The following ACSL4 variants were observed in gnomAD, a reference collection of about 807,000 sequenced individuals.
The protein encoded by ACSL4 is acyl-CoA synthetase long chain family member 4.
In ACSL4, 9 loss-of-function variants were observed where a neutral mutation model predicts 49.1. That is an observed-to-expected ratio of 0.18 (90% CI 0.11 to 0.32). The LOEUF (loss-of-function observed/expected upper bound fraction) is 0.32. Ranked by LOEUF, ACSL4 falls within the 10% of genes least tolerant of loss-of-function variation. The probability of loss-of-function intolerance (pLI) is 1.00; values close to 1 mark genes in which losing one functional copy is unlikely to be tolerated. For synonymous variants in ACSL4, 191 were observed against 170.3 expected (o/e 1.12, Z -0.95); for missense variants, 333 against 493.7 (o/e 0.67, Z 3.08).
At chrX:109,724,541 G>C (rs997175942) in intron 1 of ACSL4, among the ~76,000 whole-genome samples, 1 of 111,421 alleles carries the variant, frequency 9.0e-6, no homozygotes, top group African/African-American at 3.3e-5. Context: ...CCACCTACTG[G>C]GCTCAAGCAA....
chrX:109,687,054 G>A (rs1162371989), intron 2 of ACSL4, among the ~76,000 whole-genome samples: 1 of 111,880 alleles, frequency 8.9e-6, no homozygotes, highest in Non-Finnish European at 1.9e-5. Flanking sequence ...TTGAACCACT[G>A]ATATTGTCTG....
At chrX:109,693,672 T>G (rs1157949448) in intron 2 of ACSL4, among the ~76,000 whole-genome samples, 1 of 111,712 alleles carries the variant, frequency 9.0e-6, no homozygotes, top group Non-Finnish European at 1.9e-5. Context: ...GTAAGATGAG[T>G]AAGACAAGGT....
chrX:109,720,102 T>C (rs944235172), intron 1 of ACSL4, among the ~76,000 whole-genome samples: 3 of 111,535 alleles, frequency 2.7e-5, no homozygotes, highest in African/African-American at 9.8e-5. Flanking sequence ...GGTAGATCAC[T>C]TGAGGTCAGG....
chrX:109,713,285 C>T (rs1334646136), intron 1 of ACSL4, among the ~76,000 whole-genome samples: 1 of 111,860 alleles, frequency 8.9e-6, no homozygotes, highest in East Asian at 2.8e-4. Flanking sequence ...TCTATCTCTA[C>T]CGTACTGACA....
chrX:109,691,353 T>C (rs1417723343), intron 2 of ACSL4, among the ~76,000 whole-genome samples: 1 of 112,276 alleles, frequency 8.9e-6, no homozygotes, highest in African/African-American at 3.2e-5. Context: ...CTAGTAAACA[T>C]TAAATCAGAA....
intron 1 of ACSL4, among the ~76,000 whole-genome samples, chrX:109,712,254 A>T (rs1926801207): frequency 9.0e-6 from 1 of 111,582 alleles, no homozygotes; most frequent in African/African-American, 3.3e-5. Context: ...ACTCGCCATC[A>T]TGCCTGGTTC....
chrX:109,723,044 T>C (rs1471304438), intron 1 of ACSL4, among the ~76,000 whole-genome samples: 1 of 111,667 alleles, frequency 9.0e-6, no homozygotes. Flanking sequence ...GTGTCAAAAA[T>C]TTAGAAAATA....
chrX:109,650,562 A>T (rs1286942011), intron 15 of ACSL4, among the ~76,000 whole-genome samples: 2 of 108,330 alleles, frequency 1.8e-5, no homozygotes, highest in Admixed American at 1.0e-4. Context: ...TAGCATTGGG[A>T]GATATACCTA....
At chrX:109,677,891 T>A in intron 8 of ACSL4, 97 bp downstream of exon 8, 1 of 1,124,982 alleles carries the variant, frequency 8.9e-7, no homozygotes, top group Non-Finnish European at 1.2e-6. Flanking sequence ...AGGAGAAAGC[T>A]TTAGCTGAAT....
At chrX:109,726,278 C>T (rs1260423628) in intron 1 of ACSL4, among the ~76,000 whole-genome samples, 2 of 111,393 alleles carry the variant, frequency 1.8e-5, no homozygotes, top group Non-Finnish European at 3.8e-5. Flanking sequence ...AAAAAATTAG[C>T]CAGGCATGGT....
intron 6 of ACSL4, 140 bp downstream of exon 6, chrX:109,680,858 G>C (rs1226761033): frequency 1.7e-6 from 1 of 605,208 alleles, no homozygotes; most frequent in East Asian, 3.4e-5. Flanking sequence ...ATATGGTCTT[G>C]ATGGTTTTTA....
rs1196226525 is a variant in ACSL4, at chrX:109,646,784, G to A, written c.1856-2598C>T. 1.8e-4 allele frequency among the ~76,000 whole-genome samples: 20 copies of A among 110,152 alleles called. 1 individual carries two copies. The highest frequency in any genetic ancestry group is 1.6e-3 in the South Asian group (4 of 2,548). ...GCTGTATTCAGGAAACCCATCTCAC[G>A]TGCAGAGACACACATAGGCTCAAAA... On this transcript the variant is annotated intron_variant, in intron 15 of 15. Coordinates refer to ENST00000672401, the MANE Select transcript of ACSL4 (RefSeq NM_001318510.2).
At chrX:109,652,586 G>A (rs967881976) in intron 15 of ACSL4, among the ~76,000 whole-genome samples, 11 of 111,211 alleles carry the variant, frequency 9.9e-5, no homozygotes, top group Non-Finnish European at 2.1e-4. Context: ...CCTTTTGGTT[G>A]AAATACTATA....
chrX:109,675,562 G>A (rs1337220689), intron 8 of ACSL4, among the ~76,000 whole-genome samples: 2 of 111,785 alleles, frequency 1.8e-5, no homozygotes, highest in Non-Finnish European at 3.8e-5. Context: ...CTAAGAGACA[G>A]CAAGAATTAA....
intron 15 of ACSL4, among the ~76,000 whole-genome samples, chrX:109,658,013 C>G (rs1425351741): frequency 2.7e-5 from 3 of 111,311 alleles, no homozygotes; most frequent in Non-Finnish European, 3.8e-5. Context: ...GCATAAATGT[C>G]TTCTTTTGAG....
At chrX:109,681,792 A>C (rs1196387913) in intron 4 of ACSL4, among the ~76,000 whole-genome samples, 1 of 112,134 alleles carries the variant, frequency 8.9e-6, no homozygotes, top group African/African-American at 3.2e-5. Context: ...GAGGATCTTA[A>C]GTCATAAGAT....
intron 11 of ACSL4, among the ~76,000 whole-genome samples, chrX:109,666,440 A>C (rs184704105): frequency 8.9e-6 from 1 of 111,813 alleles, no homozygotes; most frequent in African/African-American, 3.2e-5. Context: ...TATGTGGGGA[A>C]TAATGGAAAA....
chrX:109,704,707 A>G (rs983451918), intron 1 of ACSL4, among the ~76,000 whole-genome samples: 1 of 111,780 alleles, frequency 8.9e-6, no homozygotes, highest in Non-Finnish European at 1.9e-5. Context: ...AAGGAAACTA[A>G]AAAGAGTCAA....
intron 15 of ACSL4, among the ~76,000 whole-genome samples, chrX:109,645,087 G>A (rs1257940969): frequency 4.4e-5 from 5 of 113,038 alleles, no homozygotes; most frequent in African/African-American, 1.6e-4. Flanking sequence ...TGGCAGGGAG[G>A]CTGGGGGAGG....
Sources: gnomAD v4.1 joint callset for allele counts (sites outside exome capture counted in the v4.1 genomes callset) on GRCh38, gnomAD v4.1.1 for gene constraint, MANE v1.5 for transcripts, NCBI Gene and HGNC (gene_info 2026-07-23, HGNC 2026-07-21) for gene names.